The following CTH variants were observed in gnomAD, a reference collection of about 807,000 sequenced individuals.
CTH encodes the protein cystathionine gamma-lyase.
CTH carries 41 observed loss-of-function variants against 50.6 expected under a neutral mutation model. The observed-to-expected ratio is 0.81, with a 90% CI of 0.63 to 1.05. The LOEUF (loss-of-function observed/expected upper bound fraction) is 1.05. CTH is among the 50% of genes least tolerant of loss of function. The pLI is 0.00. For synonymous variants in CTH, 156 were observed against 168.9 expected (o/e 0.92, Z 0.59); for missense variants, 470 against 492.6 (o/e 0.95, Z 0.43).
intron 3 of CTH, among the ~76,000 whole-genome samples, 176 bp from the exon 4 acceptor site, chr1:70,421,390 A>AT (rs1188126647): frequency 2.6e-5 from 4 of 152,066 alleles, no homozygotes; most frequent in African/African-American, 7.2e-5. Flanking sequence ...AACAAACCTT[A>AT]TTATTCTTTA....
intron 5 of CTH, among the ~76,000 whole-genome samples, chr1:70,428,047 T>A (rs1684386911): frequency 6.6e-6 from 1 of 151,034 alleles, no homozygotes. Context: ...GTCTACACTT[T>A]TCACTCTGGT....
intron 10 of CTH, among the ~76,000 whole-genome samples, chr1:70,435,878 C>T (rs1684586870): frequency 6.6e-6 from 1 of 151,886 alleles, no homozygotes; most frequent in African/African-American, 2.4e-5. Context: ...CACACAGGAA[C>T]GTGTTCGCAG....
intron 5 of CTH, among the ~76,000 whole-genome samples, chr1:70,428,188 A>G (rs1158809184): frequency 6.6e-6 from 1 of 152,164 alleles, no homozygotes; most frequent in Non-Finnish European, 1.5e-5. Flanking sequence ...TGTTGATCTC[A>G]TAGAAGTAGT....
At chr1:70,424,485 C>A (rs1460534110) in intron 5 of CTH, 69 bp downstream of exon 5, 1 of 1,601,092 alleles carries the variant, frequency 6.2e-7, no homozygotes, top group East Asian at 2.2e-5. Flanking sequence ...AAAGAAAGGA[C>A]TTGCTTAAAT....
At position 70,434,099 on chromosome 1, in the gene CTH, A is replaced by G. The variant is rs575028506; in HGVS notation, c.999+150A>G. 343 of 1,380,712 alleles carry G rather than the reference A, an allele frequency of 2.5e-4. No homozygotes were observed. In the African/African-American group the frequency reaches 4.6e-3, roughly 19 times the overall value. 85.5% of individuals were successfully genotyped at this position (1,380,712 alleles called of 1,614,324 possible). On this transcript the variant is annotated intron_variant, in intron 9 of 11. Transcript: ENST00000370938. ...TCATGAAATGCATTGGGTTGAAAAC[A>G]ACTTAAACAACAATGTAGCAGACAT...
chr1:70,429,079 C>T (rs1684409022), intron 5 of CTH, among the ~76,000 whole-genome samples: 1 of 152,196 alleles, frequency 6.6e-6, no homozygotes, highest in Non-Finnish European at 1.5e-5. Context: ...AGCCATTCTC[C>T]AACTCCCAGC....
At chr1:70,417,876 A>G in intron 2 of CTH, 61 bp from the exon 3 acceptor site, 1 of 1,572,816 alleles carries the variant, frequency 6.4e-7, no homozygotes. Flanking sequence ...AAATACTTGG[A>G]GGTGTGTTGT....
At chr1:70,434,114 G>A (rs975863344) in intron 9 of CTH, among the ~76,000 whole-genome samples, 165 bp downstream of exon 9, 10 of 152,190 alleles carry the variant, frequency 6.6e-5, no homozygotes, top group African/African-American at 2.2e-4. Context: ...AAACAACAAT[G>A]TAGCAGACAT....
chr1:70,419,797 C>A (rs559164856), intron 3 of CTH, among the ~76,000 whole-genome samples: 2 of 152,218 alleles, frequency 1.3e-5, no homozygotes, highest in African/African-American at 4.8e-5. Flanking sequence ...CCTTTAAGCC[C>A]ACTGATTTTT....
chr1:70,419,539 C>A (rs1336626050), intron 3 of CTH, among the ~76,000 whole-genome samples: 1 of 152,156 alleles, frequency 6.6e-6, no homozygotes, highest in Non-Finnish European at 1.5e-5. Context: ...GATGGTATCT[C>A]ACTGTGGTTT....
At chr1:70,420,036 A>G (rs1018697260) in intron 3 of CTH, among the ~76,000 whole-genome samples, 3 of 137,644 alleles carry the variant, frequency 2.2e-5, no homozygotes, top group Non-Finnish European at 3.0e-5. Flanking sequence ...CTCTGTTGCC[A>G]GGCTGGAGTG....
intron 7 of CTH, chr1:70,431,322 G>A: frequency 6.6e-6 from 1 of 150,892 alleles, no homozygotes; most frequent in Non-Finnish European, 1.5e-5. Context: ...AGACTTAATG[G>A]TTTTTTTTTC....
chr1:70,424,846 A>G (rs1046847318), intron 5 of CTH, among the ~76,000 whole-genome samples: 21 of 152,044 alleles, frequency 1.4e-4, no homozygotes, highest in African/African-American at 5.1e-4. Context: ...GGAGAATGGC[A>G]TGAACCCGGG....
Position 70,439,100 on chromosome 1 carries a change from G to T in CTH, c.1192-1G>T. On this transcript the variant is annotated splice_acceptor_variant, in intron 11 of 11. Coordinates refer to ENST00000370938, the MANE Select transcript of CTH (RefSeq NM_001902.6). LOFTEE classifies it high-confidence loss of function. Reference sequence around the variant, plus strand: ...ATTTTTCTTGTGCACTGTTATTATAGCACCCTCCAAGTGGAAGTCACAGCT... The same window carrying T: ...ATTTTTCTTGTGCACTGTTATTATATCACCCTCCAAGTGGAAGTCACAGCT... 6.2e-7 allele frequency: 1 copy of T among 1,611,826 alleles called. No homozygotes were observed. The highest frequency in any genetic ancestry group is 8.5e-7 in the Non-Finnish European group (1 of 1,177,998).
At chr1:70,414,394 C>G (rs997810870) in intron 1 of CTH, among the ~76,000 whole-genome samples, 12 of 151,850 alleles carry the variant, frequency 7.9e-5, no homozygotes, top group Admixed American at 3.3e-4. Context: ...TGCCTGTAGT[C>G]CCAGCTACTC....
intron 1 of CTH, among the ~76,000 whole-genome samples, chr1:70,414,029 G>A (rs931389797): frequency 1.3e-5 from 2 of 151,794 alleles, no homozygotes; most frequent in Non-Finnish European, 2.9e-5. Flanking sequence ...ACCGCGCCCG[G>A]CCCTTTTTAA....
rs1557470283 is a variant in CTH at position 70,429,850 on chromosome 1, TG to T, written c.646+1del. 1 of 1,607,266 alleles carries T rather than the reference TG, an allele frequency of 6.2e-7. No individual in the cohort carries two copies. Among genetic ancestry groups the T allele is most frequent in the East Asian group, 2.2e-5 (1 of 44,802 alleles). Reference protein sequence around the residue: ...SMYSATKYMNGHSDVVMGLVS... With the variant: ...SMYSATKYMNXHSDVVMGLVS... ...TGTATTCTGCAACAAAATACATGAA[TG>T]GTAAGATGCATACTTTGAATGTTCT... is the stretch of plus-strand genomic sequence containing the variant. On this transcript the variant is annotated frameshift_variant and splice_region_variant, in exon 6 of 12. Coordinates refer to ENST00000370938, the MANE Select transcript of CTH (RefSeq NM_001902.6). LOFTEE classifies it high-confidence loss of function.
rs6413470 is a variant in CTH, at chr1:70,421,494, T to G, written c.347-72T>G. On this transcript the variant is annotated intron_variant, in intron 3 of 11. Coordinates refer to ENST00000370938, the MANE Select transcript of CTH (RefSeq NM_001902.6). Reference sequence around the variant, plus strand: ...AGAGTTCCATATATTTTGTAAGTGTTTATACATAGAAGGAATGAATGTTTC... The same window carrying G: ...AGAGTTCCATATATTTTGTAAGTGTGTATACATAGAAGGAATGAATGTTTC... 8.1e-4 allele frequency: 1,196 copies of G among 1,481,124 alleles called. 9 individuals are homozygous for G. The African/African-American group carries it at 0.014, about 18-fold the overall frequency. The allele number at this position is 1,481,124 out of a possible 1,614,324, so 91.7% of individuals were successfully genotyped here. A position where few individuals can be genotyped will look rare whatever the true frequency, so the allele number is the denominator to read the frequency against.
chr1:70,427,709 T>G (rs1385812239), intron 5 of CTH, among the ~76,000 whole-genome samples: 1 of 152,034 alleles, frequency 6.6e-6, no homozygotes, highest in Non-Finnish European at 1.5e-5. Flanking sequence ...ATAATGTATG[T>G]TTTTGTTTGT....
Sources: allele counts gnomAD v4.1 joint callset (sites outside exome capture counted in the v4.1 genomes callset), GRCh38; gene constraint gnomAD v4.1.1; transcripts MANE v1.5; gene names NCBI Gene and HGNC (gene_info 2026-07-23, HGNC 2026-07-21).